Variants in ATP6V0E1 observed in about 807,000 individuals in gnomAD.
ATP6V0E1 encodes ATPase H+ transporting V0 subunit e1, also known as V-type proton ATPase subunit e 1.
Under a neutral mutation model 11.6 loss-of-function variants are expected in ATP6V0E1, and 4 were observed. The ratio of observed to expected loss-of-function variants is 0.35; its 90% CI spans 0.17 to 0.79. ATP6V0E1 has a LOEUF of 0.79. ATP6V0E1 is among the 30% of genes least tolerant of loss of function. The probability of loss-of-function intolerance (pLI) is 0.54; values close to 1 mark genes in which losing one functional copy is unlikely to be tolerated. For missense variants in ATP6V0E1, 105 were observed against 100.0 expected (o/e 1.05, Z -0.21); for synonymous variants, 36 against 34.8 (o/e 1.04, Z -0.13).
chr5:173,012,754 CAAA>C (rs1241067003), intron 2 of ATP6V0E1, among the ~76,000 whole-genome samples: 3 of 102,164 alleles, frequency 2.9e-5, no homozygotes, highest in Admixed American at 2.1e-4. Flanking sequence ...AACTCCATCT[CAAA>C]AAAAAAAAAA....
chr5:173,001,337 C>T (rs758371477), intron 2 of ATP6V0E1, among the ~76,000 whole-genome samples: 29 of 152,160 alleles, frequency 1.9e-4, no homozygotes, highest in Non-Finnish European at 4.0e-4. Context: ...CAGGTTCCCC[C>T]ATCCACTCAT....
intron 1 of ATP6V0E1, 67 bp downstream of exon 1, chr5:172,984,031 G>A (rs1755844574): frequency 6.8e-7 from 1 of 1,476,184 alleles, no homozygotes. Flanking sequence ...GGCGGGGAAA[G>A]GCACGACCCC....
intron 2 of ATP6V0E1, among the ~76,000 whole-genome samples, chr5:173,011,375 G>A (rs1756324130): frequency 2.0e-5 from 3 of 151,724 alleles, no homozygotes; most frequent in Non-Finnish European, 4.4e-5. Flanking sequence ...ATAGAGACGG[G>A]GTCTCGCCAT....
chr5:172,991,927 C>T (rs556942953), intron 1 of ATP6V0E1, among the ~76,000 whole-genome samples: 398 of 152,232 alleles, frequency 2.6e-3, no homozygotes, highest in Middle Eastern at 6.8e-3. Context: ...TTTGTCAGTC[C>T]TCTCCTCAAA....
At chr5:172,989,211 A>G (rs1755944021) in intron 1 of ATP6V0E1, among the ~76,000 whole-genome samples, 1 of 152,150 alleles carries the variant, frequency 6.6e-6, no homozygotes, top group Non-Finnish European at 1.5e-5. Flanking sequence ...ATGGTGGTGT[A>G]GACCTGTGGT....
At chr5:172,989,062 G>C (rs868176233) in intron 1 of ATP6V0E1, among the ~76,000 whole-genome samples, 1 of 152,100 alleles carries the variant, frequency 6.6e-6, no homozygotes, top group Admixed American at 6.6e-5. Flanking sequence ...ATAAAAATGG[G>C]CCTGACATGG....
chr5:173,017,866 G>GAA (rs1756428467), intron 2 of ATP6V0E1, among the ~76,000 whole-genome samples: 1 of 142,180 alleles, frequency 7.0e-6, no homozygotes, highest in East Asian at 2.0e-4. Flanking sequence ...AAAAAGAAAA[G>GAA]AAAAGAAAGG....
At chr5:173,005,438 T>G (rs1162105481) in intron 2 of ATP6V0E1, among the ~76,000 whole-genome samples, 1 of 152,230 alleles carries the variant, frequency 6.6e-6, no homozygotes, top group Non-Finnish European at 1.5e-5. Flanking sequence ...GGTCTCGATC[T>G]CCTGGGCTCA....
intron 2 of ATP6V0E1, among the ~76,000 whole-genome samples, chr5:173,005,160 GAAA>G (rs35638656): frequency 7.1e-6 from 1 of 140,720 alleles, no homozygotes. Context: ...CAGTTTCTAC[GAAA>G]AAAAAAAAAA....
chr5:172,985,916 AT>A (rs1755890718), intron 1 of ATP6V0E1, among the ~76,000 whole-genome samples: 1 of 152,254 alleles, frequency 6.6e-6, no homozygotes, highest in Non-Finnish European at 1.5e-5. Context: ...CACCTAGGCT[AT>A]TTGGTAGAAC....
At chr5:172,992,001 T>C (rs1410242202) in intron 1 of ATP6V0E1, among the ~76,000 whole-genome samples, 1 of 116,288 alleles carries the variant, frequency 8.6e-6, no homozygotes, top group Non-Finnish European at 1.6e-5. Flanking sequence ...CCTTCTTTCT[T>C]CTTTCTGTCT....
At chr5:172,990,833 TA>T (rs201409111) in intron 1 of ATP6V0E1, among the ~76,000 whole-genome samples, 1,842 of 137,002 alleles carry the variant, frequency 0.013, 8 homozygotes, top group South Asian at 0.035. Flanking sequence ...TCTCAAAAAT[TA>T]AAAAAAAAAA....
At chr5:172,989,766 G>A (rs1028030628) in intron 1 of ATP6V0E1, among the ~76,000 whole-genome samples, 5 of 152,074 alleles carry the variant, frequency 3.3e-5, no homozygotes, top group Admixed American at 2.6e-4. Context: ...GACCTCAGGC[G>A]ATGCACCCAC....
intron 2 of ATP6V0E1, among the ~76,000 whole-genome samples, chr5:173,001,750 C>T (rs1756159047): frequency 6.7e-6 from 1 of 150,256 alleles, no homozygotes; most frequent in Non-Finnish European, 1.5e-5. Flanking sequence ...CGGAGTTTCA[C>T]TCTTGTTGTC....
intron 2 of ATP6V0E1, among the ~76,000 whole-genome samples, chr5:173,017,840 C>CAAAAAAAAAAAAAAAA (rs538210275): frequency 3.0e-5 from 2 of 66,568 alleles, no homozygotes; most frequent in Non-Finnish European, 6.6e-5. Flanking sequence ...GACTCCTTCT[C>CAAAAAAAAAAAAAAAA]AAAAAAAAAA....
chr5:173,034,504 AT>A lies in ATP6V0E1; in HGVS notation c.*145del. 1 of 699,074 alleles carries A rather than the reference AT, an allele frequency of 1.4e-6. No homozygotes were observed. Among genetic ancestry groups the A allele is most frequent in the Non-Finnish European group, 2.6e-6 (1 of 381,702 alleles). The allele number at this position is 699,074 out of a possible 1,614,324, so 43.3% of individuals were successfully genotyped here. A position where few individuals can be genotyped will look rare whatever the true frequency, so the allele number is the denominator to read the frequency against. ...TAGCTGCCTTAAACGTTAACAGCAC[AT>A]TTGAATGCCTTATTCTACAATGCAG... On this transcript the variant is annotated 3_prime_UTR_variant, in exon 4 of 4. Transcript: ENST00000519374.
At chr5:173,008,056 A>T (rs1248119737) in intron 2 of ATP6V0E1, among the ~76,000 whole-genome samples, 3 of 152,056 alleles carry the variant, frequency 2.0e-5, no homozygotes, top group Admixed American at 1.3e-4. Context: ...AGGTTCTCAC[A>T]CCCACTCCGC....
chr5:172,987,610 A>G (rs1053316080), intron 1 of ATP6V0E1, among the ~76,000 whole-genome samples: 1 of 152,020 alleles, frequency 6.6e-6, no homozygotes, highest in Non-Finnish European at 1.5e-5. Flanking sequence ...TTTGCCACCT[A>G]TACTTAGAAT....
intron 3 of ATP6V0E1, among the ~76,000 whole-genome samples, chr5:173,029,352 A>G (rs1028859242): frequency 2.0e-5 from 3 of 152,166 alleles, no homozygotes; most frequent in African/African-American, 7.2e-5. Flanking sequence ...TCCCAATATC[A>G]TAGTTTTCCT....
Sources: allele counts gnomAD v4.1 joint callset (sites outside exome capture counted in the v4.1 genomes callset), GRCh38; gene constraint gnomAD v4.1.1; transcripts MANE v1.5; gene names NCBI Gene and HGNC (gene_info 2026-07-23, HGNC 2026-07-21).